The following CNTN5 variants were observed in gnomAD, a reference collection of about 807,000 sequenced individuals.
The protein encoded by CNTN5 is contactin 5.
CNTN5 carries 77 observed loss-of-function variants against 129.1 expected under a neutral mutation model. The observed-to-expected ratio is 0.60, with a 90% CI of 0.50 to 0.72. The LOEUF is 0.72. Among genes scored for constraint, CNTN5 ranks in the 30% least tolerant of loss-of-function variants. The probability of loss-of-function intolerance (pLI) is 0.00; values close to 1 mark genes in which losing one functional copy is unlikely to be tolerated. For synonymous variants in CNTN5, 509 were observed against 465.6 expected (o/e 1.09, Z -1.20); for missense variants, 1,478 against 1,328.8 (o/e 1.11, Z -1.75).
At chr11:99,985,439 C>T (rs1332859384) in intron 8 of CNTN5, among the ~76,000 whole-genome samples, 2 of 152,194 alleles carry the variant, frequency 1.3e-5, no homozygotes, top group African/African-American at 2.4e-5. Flanking sequence ...ACCTCTCTAT[C>T]CTCTACTGAC....
chr11:100,037,834 T>A (rs1418195792), intron 9 of CNTN5, among the ~76,000 whole-genome samples: 1 of 152,228 alleles, frequency 6.6e-6, no homozygotes, highest in Non-Finnish European at 1.5e-5. Context: ...TCATTTTTTA[T>A]TGCATCAATT....
intron 2 of CNTN5, among the ~76,000 whole-genome samples, chr11:99,384,213 T>C (rs1396762147): frequency 6.6e-6 from 1 of 152,204 alleles, no homozygotes; most frequent in African/African-American, 2.4e-5. Flanking sequence ...AGACACTGTT[T>C]GTACGGCCGT....
chr11:100,288,444 G>A (rs565167767), intron 18 of CNTN5, among the ~76,000 whole-genome samples: 30 of 152,234 alleles, frequency 2.0e-4, no homozygotes, highest in Non-Finnish European at 1.9e-4. Flanking sequence ...TAGAACTCAG[G>A]ATTAAGAACC....
intron 6 of CNTN5, among the ~76,000 whole-genome samples, chr11:99,867,106 T>G (rs1262935336): frequency 6.6e-6 from 1 of 152,348 alleles, no homozygotes; most frequent in East Asian, 1.9e-4. Context: ...TCTGAGTGAC[T>G]TCAAAGCTTG....
intron 6 of CNTN5, among the ~76,000 whole-genome samples, chr11:99,898,746 T>C (rs1404405206): frequency 6.6e-6 from 1 of 151,980 alleles, no homozygotes; most frequent in African/African-American, 2.4e-5. Flanking sequence ...GAAATCTTAC[T>C]ACTTTTTATC....
At chr11:99,557,256 T>A (rs536967214) in intron 3 of CNTN5, among the ~76,000 whole-genome samples, 1 of 151,428 alleles carries the variant, frequency 6.6e-6, no homozygotes, top group South Asian at 2.1e-4. Flanking sequence ...ACATACATGT[T>A]CCATTTATAC....
chr11:99,644,957 CAAAA>C (rs1349658652), intron 3 of CNTN5, among the ~76,000 whole-genome samples: 2 of 151,408 alleles, frequency 1.3e-5, no homozygotes, highest in East Asian at 3.9e-4. Context: ...AAGAAACAAA[CAAAA>C]AGATATGAAA....
intron 8 of CNTN5, among the ~76,000 whole-genome samples, chr11:99,987,558 CACATACAT>C (rs1938773010): frequency 2.7e-5 from 4 of 150,742 alleles, no homozygotes; most frequent in Non-Finnish European, 5.9e-5. Context: ...TACACACACA[CACATACAT>C]ATATGCACAG....
intron 1 of CNTN5, among the ~76,000 whole-genome samples, chr11:99,089,365 A>G (rs550574413): frequency 3.9e-5 from 6 of 152,376 alleles, no homozygotes; most frequent in African/African-American, 1.4e-4. Flanking sequence ...ATATATAACT[A>G]TAAGCACTTT....
chr11:99,294,082 T>G (rs1864284006), intron 1 of CNTN5, among the ~76,000 whole-genome samples: 1 of 152,166 alleles, frequency 6.6e-6, no homozygotes, highest in African/African-American at 2.4e-5. Flanking sequence ...GCTTTTGTTG[T>G]ATCCCATAGA....
At position 99,191,168 on chromosome 11, in the gene CNTN5, C is replaced by T. The variant is rs142776237; in HGVS notation, c.-209-134178C>T. 3.5e-3 allele frequency among the ~76,000 whole-genome samples: 525 copies of T among 151,722 alleles called. 5 individuals carry two copies. Among genetic ancestry groups the T allele is most frequent in the African/African-American group, 0.012 (487 of 41,452 alleles). ...TATAGATTTGCCTGTGTTTAACGAT[C>T]CTTGCTTACCGGAAATAAATTTCAC... is the stretch of plus-strand genomic sequence containing the variant. On this transcript the variant is annotated intron_variant, in intron 1 of 24. Coordinates refer to ENST00000524871, the MANE Select transcript of CNTN5 (RefSeq NM_014361.4).
At chr11:100,254,212 AT>A (rs1342271123) in intron 16 of CNTN5, among the ~76,000 whole-genome samples, 1 of 151,962 alleles carries the variant, frequency 6.6e-6, no homozygotes, top group Non-Finnish European at 1.5e-5. Context: ...GAATATTTGT[AT>A]TTTCTCTTCA....
intron 3 of CNTN5, among the ~76,000 whole-genome samples, chr11:99,601,630 T>A (rs1358766010): frequency 1.3e-5 from 2 of 152,338 alleles, no homozygotes; most frequent in Middle Eastern, 3.4e-3. Context: ...ACAACGAATT[T>A]GTATTTCTCC....
In CNTN5 at chr11:100,291,807, A is replaced by T. The variant is rs1398892260; in HGVS notation, c.2315-5818A>T. Among the ~76,000 whole-genome samples the T allele has an allele frequency of 3.3e-5, 5 of 150,026 alleles. No homozygotes were observed. In the South Asian group the frequency reaches 6.2e-4, roughly 19 times the overall value. The stretch of plus-strand genomic sequence containing the variant: ...TAAATAAAAAATATAAATAAATAAA[A>T]AATTAAAAAAAGGAAAAATATTTTT... On this transcript the variant is annotated intron_variant, in intron 18 of 24. Transcript: ENST00000524871.
Position 100,190,351 on chromosome 11 carries a change from A to G in CNTN5, c.1581-775A>G, listed in dbSNP as rs563243213. ...ATAGGTTATATTTCTGGAGCATAGA[A>G]GGGAGAAAAGGACAAAAGTACTAAT... On this transcript the variant is annotated intron_variant, in intron 13 of 24. Transcript: ENST00000524871. Among the ~76,000 whole-genome samples the G allele has an allele frequency of 2.0e-5, 3 of 152,140 alleles. No individual in the cohort carries two copies. The South Asian group carries it at 6.2e-4, about 32-fold the overall frequency.
intron 3 of CNTN5, among the ~76,000 whole-genome samples, chr11:99,714,975 T>A (rs905442123): frequency 4.6e-5 from 7 of 152,006 alleles, no homozygotes; most frequent in African/African-American, 1.7e-4. Flanking sequence ...GAATATGCGC[T>A]CTAGTATTAA....
At chr11:100,018,428 G>A (rs534448823) in intron 9 of CNTN5, among the ~76,000 whole-genome samples, 3 of 151,980 alleles carry the variant, frequency 2.0e-5, no homozygotes, top group Non-Finnish European at 4.4e-5. Context: ...TTTTGACCGA[G>A]AGTGGGAGAG....
chr11:99,524,724 A>T (rs190657999), intron 2 of CNTN5, among the ~76,000 whole-genome samples: 21 of 152,108 alleles, frequency 1.4e-4, no homozygotes, highest in African/African-American at 5.1e-4. Context: ...AATTGTGTGA[A>T]CCTGGGAGGC....
At chr11:99,844,594 T>G (rs1393420937) in intron 4 of CNTN5, 1 of 433,882 alleles carries the variant, frequency 2.3e-6, no homozygotes, top group Non-Finnish European at 4.2e-6. Context: ...AGATATATAT[T>G]TAAAATATAA....
Sources: allele counts gnomAD v4.1 joint callset (sites outside exome capture counted in the v4.1 genomes callset), GRCh38; gene constraint gnomAD v4.1.1; transcripts MANE v1.5; gene names NCBI Gene and HGNC (gene_info 2026-07-23, HGNC 2026-07-21).